NUDT8: variants seen among roughly 807,000 people sequenced by gnomAD.
The protein encoded by NUDT8 is mitochondrial coenzyme A diphosphatase NUDT8.
In NUDT8, 14 loss-of-function variants were observed where a neutral mutation model predicts 12.5. The observed-to-expected ratio is 1.12, with a 90% CI of 0.74 to 1.75. The LOEUF (loss-of-function observed/expected upper bound fraction) is 1.75. Among genes scored for constraint, NUDT8 ranks in the 40% most tolerant of loss-of-function variants. The probability of loss-of-function intolerance (pLI) is 0.00; values close to 1 mark genes in which losing one functional copy is unlikely to be tolerated. For missense variants in NUDT8, 337 were observed against 318.5 expected (o/e 1.06, Z -0.44); for synonymous variants, 163 against 156.2 (o/e 1.04, Z -0.33).
intron 1 of NUDT8, chr11:67,629,472 G>C (rs1195753925): frequency 4.9e-6 from 2 of 407,340 alleles, no homozygotes; most frequent in South Asian, 6.5e-5. Context: ...GCCCAGGCGT[G>C]CGCGCAAGGA....
At position 67,628,926 on chromosome 11, in the gene NUDT8, T is replaced by C. The variant is rs755477637; in HGVS notation, c.320A>G (p.Tyr107Cys). 1.2e-6 allele frequency: 2 copies of C among 1,609,498 alleles called. No homozygotes were observed. Among genetic ancestry groups the C allele is most frequent in the African/African-American group, 1.3e-5 (1 of 74,962 alleles). The change falls in exon 2 of 4, where the codon TAT becomes TGT. Residue 107 changes from tyrosine (Y) to cysteine (C), a missense_variant. Tyr to Cys is a radical substitution (Grantham distance 194, BLOSUM62 -2). Coordinates refer to ENST00000376693, the MANE Select transcript of NUDT8 (RefSeq NM_001243750.2). ...CTCAGCCAAGTGGCTTACCGGATCA[T>C]ACACAGGCCGCAGCAGGCCCCACAC... is the stretch of plus-strand genomic sequence containing the variant. ...EHVWGLLRPV[Y>C]DPQKATVVPV...
Position 67,629,014 on chromosome 11 carries a change from C to T in NUDT8, c.232G>A (p.Val78Met). The T allele has an allele frequency of 6.2e-7, 1 of 1,612,942 alleles. No homozygotes were observed. The highest frequency in any genetic ancestry group is 2.2e-5 in the East Asian group (1 of 44,864). Residue 78 changes from valine to methionine, a missense_variant, in exon 2 of 4, where the codon GTG becomes ATG. Val to Met is a conservative substitution (Grantham distance 21). Transcript: ENST00000376693. ...GTTTCCCGCAGGGCCGTGTGCACCA[C>T]ATCTTGGTCAGCCGGGTCGCACTTG... ...GGKCDPADQD[V>M]VHTALRETRE...
chr11:67,628,641 C>T (rs1855153771), intron 2 of NUDT8, among the ~76,000 whole-genome samples: 1 of 152,182 alleles, frequency 6.6e-6, no homozygotes, highest in South Asian at 2.1e-4. Flanking sequence ...CAATCCCTGC[C>T]TACCCCATGA....
rs753191579 is a variant in NUDT8, at chr11:67,629,056, A to G, written c.195-5T>C. On this transcript the variant is annotated splice_polypyrimidine_tract_variant and splice_region_variant and intron_variant, in intron 1 of 3. Transcript: ENST00000376693. ...TCGCACTTGCCGCCTGGGAAACTAA[A>G]CAGACACAAGGAGTCTGGTCCTTGG... 40 of 1,609,396 alleles carry G rather than the reference A, an allele frequency of 2.5e-5. 1 individual carries two copies. Among genetic ancestry groups the G allele is most frequent in the East Asian group, 8.9e-5 (4 of 44,750 alleles).
At chr11:67,629,312 C>G in intron 1 of NUDT8, 1 of 454,992 alleles carries the variant, frequency 2.2e-6, no homozygotes, top group Non-Finnish European at 3.9e-6. Context: ...GCTCAGATAC[C>G]CAAATTCGGC....
intron 3 of NUDT8, 32 bp from the exon 4 acceptor site, chr11:67,628,283 G>A (rs1031351415): frequency 9.3e-6 from 15 of 1,613,748 alleles, no homozygotes; most frequent in Non-Finnish European, 1.3e-5. Flanking sequence ...GGTAGACAGA[G>A]GACTGGAACA....
intron 1 of NUDT8, 166 bp from the exon 2 acceptor site, chr11:67,629,217 C>T (rs1855165289): frequency 4.7e-6 from 3 of 642,644 alleles, no homozygotes; most frequent in Non-Finnish European, 7.9e-6. Context: ...GGCCAGTTTA[C>T]CTCCCTGAGC....
At position 67,629,882 on chromosome 11, in the gene NUDT8, G is replaced by GC; in HGVS notation, c.29dup (p.Glu11ArgfsTer65). ...CCAGCAGCCGGCGGCAGCGCAGCTC[G>GC]CCCTCGGCCGACAGGCAGTCGGGCA... On this transcript the variant is annotated frameshift_variant, in exon 1 of 4. Coordinates refer to ENST00000376693, the MANE Select transcript of NUDT8 (RefSeq NM_001243750.2). LOFTEE classifies it high-confidence loss of function. The GC allele has an allele frequency of 8.0e-7, 1 of 1,243,828 alleles. No homozygotes were observed. The highest frequency in any genetic ancestry group is 1.0e-6 in the Non-Finnish European group (1 of 999,442). 77.0% of individuals were successfully genotyped at this position (1,243,828 alleles called of 1,614,324 possible).
Position 67,628,963 on chromosome 11 carries a change from G to A in NUDT8, c.283C>T (p.Pro95Ser). Residue 95 changes from proline to serine, a missense_variant, in exon 2 of 4, where the codon CCC (proline) becomes TCC (serine). Pro to Ser is a moderately conservative substitution (Grantham distance 74, BLOSUM62 -1). Coordinates refer to ENST00000376693, the MANE Select transcript of NUDT8 (RefSeq NM_001243750.2). ...AGCAGGCCCCACACGTGCTCCTCGGGCACTGCCAGGCCCAGCTCCTCCCGG... is the reference window on the plus strand; with the variant it reads ...AGCAGGCCCCACACGTGCTCCTCGGACACTGCCAGGCCCAGCTCCTCCCGG... Reference protein sequence around the residue: ...ETREELGLAVPEEHVWGLLRP... With the variant: ...ETREELGLAVSEEHVWGLLRP... The A allele has an allele frequency of 6.2e-7, 1 of 1,612,712 alleles. No homozygotes were observed. Among genetic ancestry groups the A allele is most frequent in the Non-Finnish European group, 8.5e-7 (1 of 1,179,722 alleles).
At chr11:67,629,619 A>C in intron 1 of NUDT8, 99 bp downstream of exon 1, 1 of 586,702 alleles carries the variant, frequency 1.7e-6, no homozygotes, top group South Asian at 3.5e-5. Flanking sequence ...GGAGGCGGAA[A>C]CCGAGGCTCG....
intron 2 of NUDT8, 81 bp from the exon 3 acceptor site, chr11:67,628,481 C>A: frequency 8.0e-7 from 1 of 1,245,142 alleles, no homozygotes; most frequent in Non-Finnish European, 1.1e-6. Context: ...AGAGGAAGAC[C>A]CCTTTGCCAT....
intron 2 of NUDT8, 72 bp downstream of exon 2, chr11:67,628,847 C>A (rs1855156938): frequency 6.5e-7 from 1 of 1,533,836 alleles, no homozygotes; most frequent in African/African-American, 1.4e-5. Flanking sequence ...TCTCCTGGTC[C>A]CTGGTAGCCC....
chr11:67,628,888 G>T, intron 2 of NUDT8, 31 bp downstream of exon 2: 2 of 1,586,664 alleles, frequency 1.3e-6, no homozygotes, highest in Non-Finnish European at 1.7e-6. Context: ...GTGAGTGAAT[G>T]GGGTGGGGTG....
At position 67,628,325 on chromosome 11, in the gene NUDT8, C is replaced by G. The variant is rs138977536; in HGVS notation, c.403G>C (p.Glu135Gln). ...DPQSLRPNSE[E>Q]VDEVFALPLA... ...CCCCCTCATATCCCCCAGCTCACCT[C>G]CTCCGAGTTGGGCCTGAGGCTCTGG... The change falls in exon 3 of 4, where the codon GAG becomes CAG. Residue 135 changes from glutamate to glutamine, a missense_variant and splice_region_variant. By Grantham distance (29) the Glu-to-Gln change is conservative. Coordinates refer to ENST00000376693, the MANE Select transcript of NUDT8 (RefSeq NM_001243750.2). The G allele has an allele frequency of 4.9e-5, 79 of 1,613,972 alleles. No individual in the cohort carries two copies. The highest frequency in any genetic ancestry group is 5.9e-5 in the Non-Finnish European group (70 of 1,180,006).
chr11:67,629,576 T>G, intron 1 of NUDT8, 142 bp downstream of exon 1: 1 of 434,226 alleles, frequency 2.3e-6, no homozygotes, highest in Non-Finnish European at 4.0e-6. Context: ...CTGCAGCCCT[T>G]GGGCGGAGGG....
chr11:67,628,869 AG>A, intron 2 of NUDT8, 49 bp downstream of exon 2: 1 of 1,563,798 alleles, frequency 6.4e-7, no homozygotes, highest in Non-Finnish European at 8.7e-7. Context: ...GCTCCAGGGC[AG>A]GCACAGAGTG....
In NUDT8 at chr11:67,628,354, T is replaced by G; in HGVS notation, c.374A>C (p.Asp125Ala). Residue 125 changes from aspartate (D) to alanine (A), a missense_variant, in exon 3 of 4, where the codon GAT becomes GCT. Coordinates refer to ENST00000376693, the MANE Select transcript of NUDT8 (RefSeq NM_001243750.2). ...CGAGTTGGGCCTGAGGCTCTGGGGA[T>G]CCAGTGGGCCTACACCAGCAAGCAC... ...VPVLAGVGPL[D>A]PQSLRPNSEE... The G allele has an allele frequency of 6.2e-7, 1 of 1,613,832 alleles. No homozygotes were observed. Among genetic ancestry groups the G allele is most frequent in the African/African-American group, 1.3e-5 (1 of 75,060 alleles).
intron 2 of NUDT8, 30 bp downstream of exon 2, chr11:67,628,889 G>T (rs751634671): frequency 6.3e-7 from 1 of 1,588,974 alleles, no homozygotes; most frequent in African/African-American, 1.3e-5. Context: ...TGAGTGAATG[G>T]GGTGGGGTGG....
chr11:67,629,104 C>T (rs1216394670), intron 1 of NUDT8, 53 bp from the exon 2 acceptor site: 9 of 1,548,448 alleles, frequency 5.8e-6, no homozygotes, highest in African/African-American at 4.1e-5. Context: ...ACGGAGAGGT[C>T]GGGGTATCGG....
Sources: allele counts gnomAD v4.1 joint callset (sites outside exome capture counted in the v4.1 genomes callset), GRCh38; gene constraint gnomAD v4.1.1; transcripts MANE v1.5; gene names NCBI Gene and HGNC (gene_info 2026-07-23, HGNC 2026-07-21).